SAMD5: variants seen among roughly 807,000 people sequenced by gnomAD.
SAMD5 encodes the protein sterile alpha motif domain-containing protein 5.
SAMD5 carries 13 observed loss-of-function variants against 11.3 expected under a neutral mutation model. The observed-to-expected ratio is 1.15, with a 90% CI of 0.75 to 1.83. The LOEUF (loss-of-function observed/expected upper bound fraction) is 1.83. Among genes scored for constraint, SAMD5 ranks in the 40% most tolerant of loss-of-function variants. SAMD5 has a pLI of 0.00. For missense variants in SAMD5, 255 were observed against 239.1 expected (o/e 1.07, Z -0.44); for synonymous variants, 129 against 111.3 (o/e 1.16, Z -1.00).
At chr6:147,738,167 G>A (rs952774596), downstream of SAMD5, among the ~76,000 whole-genome samples, 10 of 152,236 alleles carry the variant, frequency 6.6e-5, no homozygotes, top group East Asian at 1.7e-3. Flanking sequence ...CTGAGTGAAG[G>A]GGTTTTGGCA....
chr6:147,879,922 C>A, the SAMD5 span, among the ~76,000 whole-genome samples: 6 of 152,252 alleles, frequency 3.9e-5, no homozygotes, highest in South Asian at 1.2e-3. Flanking sequence ...GAAAACAGAA[C>A]TTACCTTGTT....
At chr6:147,793,779 C>A in the SAMD5 span, among the ~76,000 whole-genome samples, 1 of 152,078 alleles carries the variant, frequency 6.6e-6, no homozygotes, top group South Asian at 2.1e-4. Context: ...TCTGTTCTAT[C>A]ATTTACTTTT....
At chr6:147,895,639 G>A in the SAMD5 span, among the ~76,000 whole-genome samples, 2 of 152,246 alleles carry the variant, frequency 1.3e-5, no homozygotes, top group African/African-American at 4.8e-5. Flanking sequence ...GCTTGATTCC[G>A]TTACACTGCC....
At chr6:147,790,633 T>C in the SAMD5 span, among the ~76,000 whole-genome samples, 1 of 152,136 alleles carries the variant, frequency 6.6e-6, no homozygotes, top group Non-Finnish European at 1.5e-5. Context: ...GAGATTTGTG[T>C]GTGAGTATGG....
chr6:147,915,830 C>T, the SAMD5 span, among the ~76,000 whole-genome samples: 6 of 152,004 alleles, frequency 3.9e-5, no homozygotes, highest in Non-Finnish European at 4.4e-5. Context: ...TATACATGTG[C>T]CATGTTGGTG....
chr6:147,622,158 G>A (rs1024250548), intron 1 of SAMD5, among the ~76,000 whole-genome samples: 6 of 152,118 alleles, frequency 3.9e-5, no homozygotes, highest in Non-Finnish European at 7.3e-5. Context: ...TGAGGAATTG[G>A]TTCCAGGACC....
intron 1 of SAMD5, among the ~76,000 whole-genome samples, chr6:147,720,986 A>T (rs1379983087): frequency 8.3e-6 from 1 of 120,708 alleles, no homozygotes; most frequent in Admixed American, 8.7e-5. Flanking sequence ...ACTGAGAATG[A>T]TGATTTCCAA....
the SAMD5 span, among the ~76,000 whole-genome samples, chr6:147,771,176 C>T: frequency 6.6e-6 from 1 of 152,164 alleles, no homozygotes; most frequent in Admixed American, 6.5e-5. Context: ...AAGCTTCAAC[C>T]TATTATTTGT....
the SAMD5 span, among the ~76,000 whole-genome samples, chr6:147,816,301 A>AAAAATATAT: frequency 7.5e-5 from 5 of 66,352 alleles, no homozygotes; most frequent in African/African-American, 3.1e-4. Flanking sequence ...AAAAAAAAAA[A>AAAAATATAT]ATATATATAT....
the SAMD5 span, among the ~76,000 whole-genome samples, chr6:147,920,480 A>C: frequency 6.6e-6 from 1 of 152,182 alleles, no homozygotes; most frequent in South Asian, 2.1e-4. Flanking sequence ...CTCAGCTTGC[A>C]GATGGCCTAT....
In SAMD5 at chr6:147,588,798, T is replaced by C. The variant is rs566344918; in HGVS notation, c.162+79411T>C. Among the ~76,000 whole-genome samples the C allele has an allele frequency of 6.7e-4, 102 of 152,260 alleles. 1 individual carries two copies. The highest frequency in any genetic ancestry group is 5.4e-4 in the Non-Finnish European group (37 of 68,016). On this transcript the variant is annotated intron_variant, in intron 1 of 1. Coordinates refer to the SAMD5 transcript ENST00000566741. ...TCACTTAACTTACGGAAACTGGTACTGGGTTGTTTTCCCCATCCATCTTTT... is the reference window on the plus strand; with the variant it reads ...TCACTTAACTTACGGAAACTGGTACCGGGTTGTTTTCCCCATCCATCTTTT...
chr6:147,799,680 A>C, the SAMD5 span, among the ~76,000 whole-genome samples: 1,670 of 150,590 alleles, frequency 0.011, 43 homozygotes, highest in African/African-American at 0.039. Context: ...ACTTGGTTCC[A>C]TTCTCCCCAT....
At chr6:147,518,942 C>T (rs1788212301) in intron 1 of SAMD5, among the ~76,000 whole-genome samples, 1 of 152,312 alleles carries the variant, frequency 6.6e-6, no homozygotes, top group African/African-American at 2.4e-5. Flanking sequence ...TGCCAAAAGG[C>T]ATTAAACATA....
At chr6:147,612,913 A>C (rs1473845031) in intron 1 of SAMD5, among the ~76,000 whole-genome samples, 3 of 152,048 alleles carry the variant, frequency 2.0e-5, no homozygotes, top group Non-Finnish European at 2.9e-5. Context: ...TTATGGAAAA[A>C]TTTGGTTGGG....
the SAMD5 span, among the ~76,000 whole-genome samples, chr6:147,822,160 T>C: frequency 1.3e-5 from 2 of 152,178 alleles, no homozygotes; most frequent in Non-Finnish European, 2.9e-5. Context: ...ATCAATCCAG[T>C]TGGCACTAAC....
chr6:147,945,222 C>T, the SAMD5 span, among the ~76,000 whole-genome samples: 2 of 152,212 alleles, frequency 1.3e-5, no homozygotes, highest in Non-Finnish European at 2.9e-5. Flanking sequence ...CCCCGTGGCT[C>T]TGTCCATCAG....
chr6:147,890,952 G>A, the SAMD5 span, among the ~76,000 whole-genome samples: 2 of 152,060 alleles, frequency 1.3e-5, no homozygotes, highest in African/African-American at 2.4e-5. Flanking sequence ...TGTTACATCC[G>A]TATTGCAGAA....
the SAMD5 span, among the ~76,000 whole-genome samples, chr6:147,828,434 A>T: frequency 6.6e-6 from 1 of 152,206 alleles, no homozygotes; most frequent in Non-Finnish European, 1.5e-5. Flanking sequence ...GAGATTAATT[A>T]ACATTTGAGT....
chr6:147,830,107 T>C, the SAMD5 span, among the ~76,000 whole-genome samples: 1 of 152,026 alleles, frequency 6.6e-6, no homozygotes, highest in Non-Finnish European at 1.5e-5. Context: ...AAGTGATTTG[T>C]TAATATTGGA....
Sources: allele counts gnomAD v4.1 joint callset (sites outside exome capture counted in the v4.1 genomes callset), GRCh38; gene constraint gnomAD v4.1.1; transcripts MANE v1.5; gene names NCBI Gene and HGNC (gene_info 2026-07-23, HGNC 2026-07-21).